The following DACT2 variants were observed in gnomAD, a reference collection of about 807,000 sequenced individuals.
The protein encoded by DACT2 is dishevelled binding antagonist of beta catenin 2.
DACT2 carries 20 observed loss-of-function variants against 22.2 expected under a neutral mutation model. That is an observed-to-expected ratio of 0.90 (90% confidence interval 0.63 to 1.31). DACT2 has a LOEUF of 1.31. Among genes scored for constraint, DACT2 ranks in the 50% most tolerant of loss-of-function variants. The pLI is 0.00. For missense variants in DACT2, 1,048 were observed against 1,061.4 expected (o/e 0.99, Z 0.18); for synonymous variants, 463 against 479.8 (o/e 0.96, Z 0.46).
chr6:168,294,348 C>T (rs1349147160), intron 4 of DACT2, among the ~76,000 whole-genome samples: 1 of 152,094 alleles, frequency 6.6e-6, no homozygotes, highest in South Asian at 2.1e-4. Context: ...CCCTCCTAGT[C>T]CTTCCCTACC....
intron 3 of DACT2, 25 bp from the exon 4 acceptor site, chr6:168,309,123 C>T: frequency 6.7e-7 from 1 of 1,491,616 alleles, no homozygotes; most frequent in Non-Finnish European, 8.9e-7. Flanking sequence ...AATGAACAAA[C>T]ACGTAACTAC....
In DACT2 at chr6:168,309,448, G is replaced by A. The variant is rs369311016; in HGVS notation, c.659-350C>T. Among the ~76,000 whole-genome samples the A allele has an allele frequency of 2.0e-5, 3 of 152,156 alleles. No individual in the cohort carries two copies. In the South Asian group the frequency reaches 6.2e-4, roughly 32 times the overall value. Reference sequence around the variant, plus strand: ...AGACACAGGGTGCGGGGCCGTTTGCGTGTAGACACAGGGTGCGGGGCCCTA... The same window carrying A: ...AGACACAGGGTGCGGGGCCGTTTGCATGTAGACACAGGGTGCGGGGCCCTA... On this transcript the variant is annotated intron_variant, in intron 3 of 3. Coordinates refer to ENST00000366795, the MANE Select transcript of DACT2 (RefSeq NM_214462.5).
chr6:168,308,000 G>T lies in DACT2; in HGVS notation c.1757C>A (p.Ser586Ter). The T allele has an allele frequency of 6.4e-7, 1 of 1,551,008 alleles. No individual in the cohort carries two copies. The highest frequency in any genetic ancestry group is 8.7e-7 in the Non-Finnish European group (1 of 1,146,738). ...CTCAAAGGGGAACAGGGCTTGGGCT[G>T]AGGTCCGGTGGCTCTCCTGCGGGGC... ...AVAPQESHRT[S>*]AQALFPFEAS... The change falls in exon 4 of 4, where the codon TCA becomes TAA. Residue 586 changes from serine to a stop codon, truncating the protein, a stop_gained. Coordinates refer to ENST00000366795, the MANE Select transcript of DACT2 (RefSeq NM_214462.5). LOFTEE classifies it low-confidence loss of function (END_TRUNC). This position sits in a 1 kb window ranked among gnomAD's most constrained non-coding sequence, Gnocchi z 5.3.
intron 1 of DACT2, among the ~76,000 whole-genome samples, chr6:168,319,019 G>C (rs1779580178): frequency 1.3e-5 from 2 of 152,170 alleles, no homozygotes; most frequent in African/African-American, 4.8e-5. Context: ...ACCTCCGCCA[G>C]GGGAACGCCG....
intron 1 of DACT2, among the ~76,000 whole-genome samples, chr6:168,319,090 A>G (rs1290195382): frequency 1.3e-5 from 2 of 152,004 alleles, no homozygotes; most frequent in African/African-American, 4.8e-5. Flanking sequence ...GTCTCTCCCA[A>G]ATCTGCCAGC....
rs772312400 is a variant in DACT2 at position 168,307,556 on chromosome 6, G to A, written c.2201C>T (p.Pro734Leu). 59 of 1,551,106 alleles carry A rather than the reference G, an allele frequency of 3.8e-5. No homozygotes were observed. The highest frequency in any genetic ancestry group is 2.7e-4 in the East Asian group (11 of 40,890). ...GGACAGGAGTGGCCCCGAGCTGACC[G>A]GGGCCTCCTGGGTCCAGGCCAGCTC... The part of the protein sequence containing the change: ...HAELAWTQEA[P>L]VSSGPLLSPV... Residue 734 changes from proline to leucine, a missense_variant, in exon 4 of 4, where the codon CCG (proline) becomes CTG (leucine). Pro to Leu is a moderately conservative substitution (Grantham distance 98). Coordinates refer to ENST00000366795, the MANE Select transcript of DACT2 (RefSeq NM_214462.5). This position sits in a 1 kb window ranked among gnomAD's most constrained non-coding sequence, Gnocchi z 5.3.
chr6:168,308,216 G>A lies in DACT2; in HGVS notation c.1541C>T (p.Pro514Leu), dbSNP rs1372571204. ...CTCAGGCCTGTCCAGTAGAAGCAGC[G>A]GCTGCCTTGCAAACCTCAGCACCTT... ...MDKVLRFARQPLLLLDRPEGA... is the reference protein window; with the variant it reads ...MDKVLRFARQLLLLLDRPEGA... Residue 514 changes from proline (P) to leucine (L), a missense_variant, in exon 4 of 4, where the codon CCG becomes CTG. Transcript: ENST00000366795. The A allele has an allele frequency of 1.9e-5, 29 of 1,551,838 alleles. No individual in the cohort carries two copies. In the East Asian group the frequency reaches 2.7e-4, roughly 14 times the overall value.
intron 4 of DACT2, chr6:168,294,577 G>GTGTGTGTATATATATATA (rs1177617130): frequency 1.9e-4 from 24 of 124,468 alleles, no homozygotes; most frequent in South Asian, 6.9e-4. Context: ...GTGTGTGTGT[G>GTGTGTGTATATATATATA]TATATATATA....
chr6:168,307,570 C>A lies in DACT2; in HGVS notation c.2187G>T (p.Trp729Cys). ...YVAAGHAELA[W>C]TQEAPVSSGP... ...CCGAGCTGACCGGGGCCTCCTGGGT[C>A]CAGGCCAGCTCCGCATGCCCGGCCG... Residue 729 changes from tryptophan to cysteine, a missense_variant, in exon 4 of 4, where the codon TGG becomes TGT. Coordinates refer to ENST00000366795, the MANE Select transcript of DACT2 (RefSeq NM_214462.5). The surrounding 1 kb of genome is among the most constrained non-coding windows in gnomAD (Gnocchi z 5.3). 6.4e-7 allele frequency: 1 copy of A among 1,550,906 alleles called. No individual in the cohort carries two copies. The highest frequency in any genetic ancestry group is 8.7e-7 in the Non-Finnish European group (1 of 1,146,760).
At chr6:168,293,812 G>T in exon 6 of DACT2, 1 of 700,406 alleles carries the variant, frequency 1.4e-6, no homozygotes, top group East Asian at 2.7e-5. Context: ...ATCGGGAGAA[G>T]AAGCTGGGCC....
chr6:168,295,465 A>G (rs913177423), intron 3 of DACT2, among the ~76,000 whole-genome samples: 3 of 152,348 alleles, frequency 2.0e-5, no homozygotes, highest in African/African-American at 7.2e-5. Context: ...CAAAATAAAC[A>G]CAGTAACATA....
rs1388005103 is a variant in DACT2 at position 168,311,398 on chromosome 6, C to T, written c.247-114G>A. 1.3e-5 allele frequency: 16 copies of T among 1,278,422 alleles called. No homozygotes were observed. The Admixed American group carries it at 1.4e-4, about 11-fold the overall frequency. The allele number at this position is 1,278,422 out of a possible 1,614,324, so 79.2% of individuals were successfully genotyped here. On this transcript the variant is annotated intron_variant, in intron 1 of 3. Transcript: ENST00000366795. The stretch of plus-strand genomic sequence containing the variant: ...GCAATTTAAACTCCCAAAGTCCACG[C>T]GAAATACATCTTCTAAATCCGGCAG...
intron 1 of DACT2, among the ~76,000 whole-genome samples, chr6:168,311,495 GC>G (rs539267578): frequency 1.5e-5 from 2 of 136,806 alleles, no homozygotes; most frequent in African/African-American, 2.8e-5. Context: ...GACACCCATC[GC>G]CCCCCACACA....
rs1170208082 is a variant in DACT2, at chr6:168,307,180, A to C, written c.*252T>G. 1 of 1,352,648 alleles carries C rather than the reference A, an allele frequency of 7.4e-7. No individual in the cohort carries two copies. The highest frequency in any genetic ancestry group is 1.5e-5 in the African/African-American group (1 of 67,218). The allele number at this position is 1,352,648 out of a possible 1,614,324, so 83.8% of individuals were successfully genotyped here. A position where few individuals can be genotyped will look rare whatever the true frequency, so the allele number is the denominator to read the frequency against. On this transcript the variant is annotated 3_prime_UTR_variant, in exon 4 of 4. Transcript: ENST00000366795. This position sits in a 1 kb window ranked among gnomAD's most constrained non-coding sequence, Gnocchi z 5.3. ...AAGCAGCATCCTGGGCAGACCTTGA[A>C]AAGAGACACTAGGTCGGCCGGGGAG...
intron 3 of DACT2, chr6:168,294,810 T>C (rs970006583): frequency 5.6e-5 from 24 of 424,792 alleles, no homozygotes; most frequent in Non-Finnish European, 7.2e-5. Context: ...CAACTTAGAT[T>C]TTATAACACT....
At chr6:168,295,242 C>A (rs913443059) in intron 3 of DACT2, among the ~76,000 whole-genome samples, 1 of 152,194 alleles carries the variant, frequency 6.6e-6, no homozygotes. Context: ...AGATATAATA[C>A]CAGTATTTTC....
At chr6:168,294,557 G>T in intron 4 of DACT2, 1 of 676,994 alleles carries the variant, frequency 1.5e-6, no homozygotes, top group Non-Finnish European at 2.0e-6. Flanking sequence ...ATGTGTGTGT[G>T]TGTATGTGTG....
In DACT2 at chr6:168,308,046, C is replaced by T. The variant is rs1209455924; in HGVS notation, c.1711G>A (p.Val571Ile). Residue 571 changes from valine to isoleucine, a missense_variant, in exon 4 of 4, where the codon GTC becomes ATC. Val to Ile is a conservative substitution (Grantham distance 29, BLOSUM62 3). Transcript: ENST00000366795. ...GGGGCCACTGCCAAGGGGACGAGGA[C>T]AGGCATGGGGTAGAGGGTGGACTCA... ...CSESTLYPMP[V>I]LVPLAVAPQE... 5.2e-6 allele frequency: 8 copies of T among 1,548,822 alleles called. No homozygotes were observed. Among genetic ancestry groups the T allele is most frequent in the Non-Finnish European group, 7.0e-6 (8 of 1,145,420 alleles).
At chr6:168,311,379 T>C in intron 1 of DACT2, 95 bp from the exon 2 acceptor site, 20 of 1,402,866 alleles carry the variant, frequency 1.4e-5, no homozygotes, top group Non-Finnish European at 1.8e-5. Context: ...GAATGCAATT[T>C]AAACTCCCAA....
Sources: allele counts gnomAD v4.1 joint callset (sites outside exome capture counted in the v4.1 genomes callset), GRCh38; gene constraint gnomAD v4.1.1; non-coding constraint Gnocchi (gnomAD v3.1); transcripts MANE v1.5; gene names NCBI Gene and HGNC (gene_info 2026-07-23, HGNC 2026-07-21).